PARN: variants seen among roughly 807,000 people sequenced by gnomAD.
PARN encodes the protein poly(A)-specific ribonuclease.
In PARN, 71 loss-of-function variants were observed where a neutral mutation model predicts 102.8. The ratio of observed to expected loss-of-function variants is 0.69; its 90% confidence interval spans 0.57 to 0.84. The LOEUF is 0.84. Ranked by LOEUF, PARN falls within the 40% of genes least tolerant of loss-of-function variation. The pLI is 0.00. For missense variants in PARN, 782 were observed against 760.9 expected, an observed-to-expected ratio of 1.03 and a Z score of -0.33; for synonymous variants, 261 against 252.9, an observed-to-expected ratio of 1.03 and a Z score of -0.30.
chr16:14,443,626 A>G (rs530969367), intron 23 of PARN, among the ~76,000 whole-genome samples: 1 of 152,328 alleles, frequency 6.6e-6, no homozygotes, highest in Admixed American at 6.5e-5. Context: ...GGCATGAGCC[A>G]CTGTACCCGG....
chr16:14,591,112 C>T (rs1042845324), intron 13 of PARN, among the ~76,000 whole-genome samples: 2 of 151,934 alleles, frequency 1.3e-5, no homozygotes, highest in Non-Finnish European at 2.9e-5. Context: ...TGGGGAAGGC[C>T]GGGCACAGTG....
At chr16:14,457,609 C>A (rs1567290720) in intron 22 of PARN, among the ~76,000 whole-genome samples, 2 of 151,730 alleles carry the variant, frequency 1.3e-5, no homozygotes, top group Admixed American at 6.6e-5. Flanking sequence ...ACCAGCCTGG[C>A]CAACATGGTG....
chr16:14,518,082 G>A (rs1053490330), intron 21 of PARN, among the ~76,000 whole-genome samples: 2 of 151,182 alleles, frequency 1.3e-5, no homozygotes, highest in African/African-American at 4.9e-5. Context: ...TTACATAATG[G>A]CATATGTAGC....
chr16:14,495,339 C>T (rs1964260780), intron 21 of PARN, among the ~76,000 whole-genome samples: 1 of 152,102 alleles, frequency 6.6e-6, no homozygotes, highest in Admixed American at 6.5e-5. Flanking sequence ...AAAAAATTAG[C>T]TAGGCATGGT....
intron 22 of PARN, among the ~76,000 whole-genome samples, chr16:14,460,021 A>T (rs1302629426): frequency 1.3e-5 from 2 of 152,222 alleles, no homozygotes; most frequent in Non-Finnish European, 2.9e-5. Context: ...AAAACTGAGA[A>T]TAATTAAAAA....
intron 21 of PARN, among the ~76,000 whole-genome samples, chr16:14,534,324 G>T (rs984343523): frequency 4.0e-5 from 6 of 151,468 alleles, no homozygotes; most frequent in Non-Finnish European, 5.9e-5. Context: ...TAATTATTCT[G>T]TTGTTACTAT....
At chr16:14,440,282 C>T (rs1960888812) in intron 23 of PARN, among the ~76,000 whole-genome samples, 1 of 152,030 alleles carries the variant, frequency 6.6e-6, no homozygotes. Context: ...AAAACCAAAG[C>T]CACAATGAGA....
chr16:14,524,213 A>G (rs1965880764), intron 21 of PARN, among the ~76,000 whole-genome samples: 1 of 152,146 alleles, frequency 6.6e-6, no homozygotes, highest in Non-Finnish European at 1.5e-5. Context: ...TGTTTCCCCA[A>G]GACAGCTACC....
chr16:14,520,438 A>T (rs536404207), intron 21 of PARN, among the ~76,000 whole-genome samples: 1 of 152,114 alleles, frequency 6.6e-6, no homozygotes. Flanking sequence ...TTAAAAAAAT[A>T]ATCTGTGGGC....
Position 14,580,971 on chromosome 16 carries a change from T to C in PARN, c.1193-28A>G, listed in dbSNP as rs763757534. On this transcript the variant is annotated intron_variant, in intron 17 of 23. Coordinates refer to ENST00000437198, the MANE Select transcript of PARN (RefSeq NM_002582.4). ...AATGAAGAAAAGAAGAGAGGTATTATTATTCATAGTCACATAGACCAAGCC... is the reference window on the plus strand; with the variant it reads ...AATGAAGAAAAGAAGAGAGGTATTACTATTCATAGTCACATAGACCAAGCC... The C allele has an allele frequency of 9.8e-6, 14 of 1,428,284 alleles. No homozygotes were observed. In the Admixed American group the frequency reaches 2.4e-4, roughly 24 times the overall value. 88.5% of individuals were successfully genotyped at this position (1,428,284 alleles called of 1,614,324 possible).
chr16:14,627,558 A>G (rs538912576), intron 3 of PARN, among the ~76,000 whole-genome samples: 2 of 152,232 alleles, frequency 1.3e-5, no homozygotes, highest in Non-Finnish European at 2.9e-5. Flanking sequence ...CCAAAGAATC[A>G]TATTAGGTCT....
At chr16:14,451,867 T>TA (rs1567287329) in intron 22 of PARN, among the ~76,000 whole-genome samples, 6 of 23,772 alleles carry the variant, frequency 2.5e-4, no homozygotes, top group East Asian at 2.0e-3. Context: ...AAAAAAAAAA[T>TA]ACAAAAAAAA....
chr16:14,526,684 A>T (rs1966029954), intron 21 of PARN, among the ~76,000 whole-genome samples: 2 of 152,224 alleles, frequency 1.3e-5, no homozygotes, highest in South Asian at 4.1e-4. Context: ...TCAAGAAAAG[A>T]AAAAAGCAAC....
chr16:14,540,630 T>G (rs1966801983), intron 21 of PARN, among the ~76,000 whole-genome samples: 1 of 152,130 alleles, frequency 6.6e-6, no homozygotes, highest in African/African-American at 2.4e-5. Flanking sequence ...AAGGTCTGGA[T>G]CACAAAATAG....
intron 21 of PARN, among the ~76,000 whole-genome samples, chr16:14,505,427 G>A (rs1208406524): frequency 6.6e-6 from 1 of 152,102 alleles, no homozygotes; most frequent in Non-Finnish European, 1.5e-5. Flanking sequence ...GCTGGAGGGT[G>A]CTATAATCAC....
intron 12 of PARN, among the ~76,000 whole-genome samples, chr16:14,596,257 A>C (rs911471856): frequency 6.6e-6 from 1 of 152,138 alleles, no homozygotes; most frequent in African/African-American, 2.4e-5. Flanking sequence ...TGCTCAGAAA[A>C]GGATGGGGGG....
At chr16:14,596,670 C>T (rs190302194) in intron 12 of PARN, among the ~76,000 whole-genome samples, 297 of 151,932 alleles carry the variant, frequency 2.0e-3, no homozygotes, top group African/African-American at 7.0e-3. Flanking sequence ...CGCTTGAGCC[C>T]GGGAGGTAGA....
intron 21 of PARN, among the ~76,000 whole-genome samples, chr16:14,494,490 A>T (rs1178601258): frequency 6.6e-6 from 1 of 152,174 alleles, no homozygotes; most frequent in African/African-American, 2.4e-5. Context: ...GGGTTGGGAG[A>T]GCAGGTAGTG....
intron 21 of PARN, among the ~76,000 whole-genome samples, chr16:14,495,223 T>C (rs80259240): frequency 0.03 from 4,599 of 152,110 alleles, 137 homozygotes; most frequent in African/African-American, 0.075. Context: ...TGGTGGCTCA[T>C]GCCCGTAGTC....
Sources: gnomAD v4.1 joint callset for allele counts (sites outside exome capture counted in the v4.1 genomes callset) on GRCh38, gnomAD v4.1.1 for gene constraint, MANE v1.5 for transcripts, NCBI Gene and HGNC (gene_info 2026-07-23, HGNC 2026-07-21) for gene names.